The following NCKAP1 variants were observed in gnomAD, a reference collection of about 807,000 sequenced individuals.
The protein encoded by NCKAP1 is nck-associated protein 1.
In NCKAP1, 21 loss-of-function variants were observed where a neutral mutation model predicts 151.2. That is an observed-to-expected ratio of 0.14 (90% CI 0.10 to 0.20). The LOEUF (loss-of-function observed/expected upper bound fraction) is 0.20, where lower values mean the gene tolerates loss of function less well. NCKAP1 is among the 10% of genes least tolerant of loss of function. The pLI, the probability that NCKAP1 is intolerant of heterozygous loss-of-function variation, is 1.00. For synonymous variants in NCKAP1, 484 were observed against 451.8 expected (o/e 1.07, Z -0.90); for missense variants, 933 against 1,352.1 (o/e 0.69, Z 4.86).
chr2:182,989,569 C>T (rs953476515), intron 8 of NCKAP1, among the ~76,000 whole-genome samples: 3 of 152,044 alleles, frequency 2.0e-5, no homozygotes, highest in African/African-American at 7.2e-5. Context: ...TCTTGGGGCC[C>T]GGTGCTGTGG....
chr2:183,013,329 A>G (rs1443159445), intron 2 of NCKAP1, among the ~76,000 whole-genome samples: 1 of 151,916 alleles, frequency 6.6e-6, no homozygotes, highest in Non-Finnish European at 1.5e-5. Context: ...TACTTCCCCC[A>G]CTGCATTCAC....
intron 12 of NCKAP1, among the ~76,000 whole-genome samples, chr2:182,981,782 G>A (rs753373242): frequency 4.6e-5 from 7 of 151,508 alleles, no homozygotes; most frequent in Non-Finnish European, 1.0e-4. Flanking sequence ...GGTGGTGGGT[G>A]TCTGTAATCC....
intron 15 of NCKAP1, among the ~76,000 whole-genome samples, chr2:182,971,590 A>T (rs1383049953): frequency 6.6e-6 from 1 of 152,070 alleles, no homozygotes; most frequent in Non-Finnish European, 1.5e-5. Context: ...AAACTAGAAG[A>T]GCCAAATCAA....
At position 182,910,871 on chromosome 2, in the gene NCKAP1, T is replaced by C. The variant is rs964724436; in HGVS notation, c.*14831A>G. ...GAGAAGAAGGTGATTGCTAAGTATTTACAGATTAAAGACTCAACCTGTATT... is the reference window on the plus strand; with the variant it reads ...GAGAAGAAGGTGATTGCTAAGTATTCACAGATTAAAGACTCAACCTGTATT... On this transcript the variant is annotated 3_prime_UTR_variant, in exon 31 of 31. Transcript: ENST00000361354. 6 of 151,832 alleles carry C rather than the reference T, an allele frequency of 4.0e-5. No individual in the cohort carries two copies. Among genetic ancestry groups the C allele is most frequent in the Admixed American group, 1.3e-4 (2 of 15,224 alleles). The allele number at this position is 151,832 out of a possible 1,614,324, so 9.4% of individuals were successfully genotyped here.
intron 28 of NCKAP1, among the ~76,000 whole-genome samples, 176 bp downstream of exon 28, chr2:182,928,607 A>C (rs1266706558): frequency 6.6e-6 from 1 of 152,102 alleles, no homozygotes; most frequent in Non-Finnish European, 1.5e-5. Flanking sequence ...ACATTCAGGC[A>C]CACATGAGCT....
At chr2:182,997,886 T>G (rs928959980) in intron 6 of NCKAP1, among the ~76,000 whole-genome samples, 4 of 151,954 alleles carry the variant, frequency 2.6e-5, no homozygotes, top group Non-Finnish European at 5.9e-5. Flanking sequence ...AAAAGAAAAC[T>G]ACAGGCCAAT....
intron 15 of NCKAP1, among the ~76,000 whole-genome samples, chr2:182,967,716 A>G (rs201029477): frequency 6.6e-6 from 1 of 152,324 alleles, no homozygotes; most frequent in East Asian, 1.9e-4. Context: ...CACACACAGG[A>G]AGCAATCAGA....
In NCKAP1 at chr2:182,921,912, C is replaced by G. The variant is rs1379936412; in HGVS notation, c.*3790G>C. On this transcript the variant is annotated 3_prime_UTR_variant, in exon 31 of 31. Transcript: ENST00000361354. The stretch of plus-strand genomic sequence containing the variant: ...CTTCCAATTCCACAGGACCAATTAA[C>G]GAAAAACATAATTTTTGTACTACAG... 1 of 152,102 alleles carries G rather than the reference C, an allele frequency of 6.6e-6. No individual in the cohort carries two copies. Among genetic ancestry groups the G allele is most frequent in the African/African-American group, 2.4e-5 (1 of 41,414 alleles). 9.4% of individuals were successfully genotyped at this position (152,102 alleles called of 1,614,324 possible). A position where few individuals can be genotyped will look rare whatever the true frequency, so the allele number is the denominator to read the frequency against.
chr2:182,985,360 T>C (rs1426767842), intron 10 of NCKAP1, among the ~76,000 whole-genome samples: 1 of 152,110 alleles, frequency 6.6e-6, no homozygotes, highest in Non-Finnish European at 1.5e-5. Flanking sequence ...ATCATATATG[T>C]AACAAAGTGA....
intron 2 of NCKAP1, among the ~76,000 whole-genome samples, chr2:183,010,889 A>AT (rs1483692330): frequency 6.6e-6 from 1 of 152,234 alleles, no homozygotes; most frequent in Non-Finnish European, 1.5e-5. Context: ...AATTTTAATA[A>AT]TTTTTTAAAA....
At chr2:182,999,490 CA>C (rs1287782741) in intron 6 of NCKAP1, among the ~76,000 whole-genome samples, 8 of 151,836 alleles carry the variant, frequency 5.3e-5, no homozygotes, top group African/African-American at 1.5e-4. Flanking sequence ...ATTAAAAAGT[CA>C]AAAAAATAAC....
chr2:183,020,642 A>G (rs1575069250), intron 2 of NCKAP1, among the ~76,000 whole-genome samples: 2 of 152,102 alleles, frequency 1.3e-5, no homozygotes, highest in African/African-American at 4.8e-5. Context: ...TCTGTTTCAC[A>G]TATTTACATA....
chr2:182,941,689 C>CTT (rs1559074595), intron 24 of NCKAP1, among the ~76,000 whole-genome samples: 4 of 152,152 alleles, frequency 2.6e-5, no homozygotes, highest in Non-Finnish European at 5.9e-5. Flanking sequence ...TTAAATGGTA[C>CTT]ATTTTATTGT....
chr2:182,999,413 CAG>C (rs34279437), intron 6 of NCKAP1, among the ~76,000 whole-genome samples: 15,531 of 152,044 alleles, frequency 0.1, 1,105 homozygotes, highest in African/African-American at 0.2. Flanking sequence ...CACTAATCAT[CAG>C]AGAGATGCAA....
chr2:183,000,513 G>A (rs1056842905), intron 6 of NCKAP1, among the ~76,000 whole-genome samples: 2 of 152,082 alleles, frequency 1.3e-5, no homozygotes, highest in Non-Finnish European at 2.9e-5. Context: ...AGACAGTTCC[G>A]GGTGGGGAAA....
intron 20 of NCKAP1, 88 bp from the exon 21 acceptor site, chr2:182,953,419 T>TA: frequency 1.3e-6 from 1 of 771,470 alleles, no homozygotes; most frequent in Non-Finnish European, 2.0e-6. Context: ...TATCTAATAT[T>TA]AAACAAGCAA....
intron 1 of NCKAP1, among the ~76,000 whole-genome samples, chr2:183,033,965 G>C (rs1190548755): frequency 6.6e-6 from 1 of 151,854 alleles, no homozygotes; most frequent in Non-Finnish European, 1.5e-5. Context: ...TTCCATAAAG[G>C]AAACAAAAGA....
rs979388195 is a variant in NCKAP1 at position 182,921,726 on chromosome 2, T to C, written c.*3976A>G. 1 of 152,168 alleles carries C rather than the reference T, an allele frequency of 6.6e-6. No homozygotes were observed. The highest frequency in any genetic ancestry group is 2.4e-5 in the African/African-American group (1 of 41,436). 9.4% of individuals were successfully genotyped at this position (152,168 alleles called of 1,614,324 possible). Reference sequence around the variant, plus strand: ...ACAGGCTGAATACTTTTATTGGAAATGAAACATTCCAGAGTTAGACATGTT... The same window carrying C: ...ACAGGCTGAATACTTTTATTGGAAACGAAACATTCCAGAGTTAGACATGTT... On this transcript the variant is annotated 3_prime_UTR_variant, in exon 31 of 31. Transcript: ENST00000361354.
At chr2:183,001,658 C>T (rs1341796802) in intron 6 of NCKAP1, among the ~76,000 whole-genome samples, 1 of 151,970 alleles carries the variant, frequency 6.6e-6, no homozygotes, top group African/African-American at 2.4e-5. Context: ...CTATTAAAAC[C>T]CATTAGTGTG....
Sources: allele counts gnomAD v4.1 joint callset (sites outside exome capture counted in the v4.1 genomes callset), GRCh38; gene constraint gnomAD v4.1.1; transcripts MANE v1.5; gene names NCBI Gene and HGNC (gene_info 2026-07-23, HGNC 2026-07-21).